The following RAPGEF4 variants were observed in gnomAD, a reference collection of about 807,000 sequenced individuals.
RAPGEF4 encodes the protein Rap guanine nucleotide exchange factor 4.
A neutral mutation model predicts 147.9 loss-of-function variants in RAPGEF4; 66 were observed. That is an observed-to-expected ratio of 0.45 (90% CI 0.37 to 0.55). RAPGEF4 has a LOEUF of 0.55. Among genes scored for constraint, RAPGEF4 ranks in the 20% least tolerant of loss-of-function variants. The pLI is 0.00. For missense variants in RAPGEF4, 1,071 were observed against 1,257.3 expected, an observed-to-expected ratio of 0.85 and a Z score of 2.24; for synonymous variants, 419 against 442.7, an observed-to-expected ratio of 0.95 and a Z score of 0.67.
chr2:172,771,178 C>T (rs1237220214), intron 1 of RAPGEF4, among the ~76,000 whole-genome samples: 1 of 151,810 alleles, frequency 6.6e-6, no homozygotes, highest in Non-Finnish European at 1.5e-5. Context: ...GCTGGGAAGT[C>T]CAAGCTCAAG....
intron 1 of RAPGEF4, among the ~76,000 whole-genome samples, chr2:172,768,568 G>A (rs541851711): frequency 5.9e-5 from 9 of 151,928 alleles, no homozygotes; most frequent in African/African-American, 1.9e-4. Flanking sequence ...ACTTCCTGGC[G>A]TGAGTACTCA....
chr2:172,891,968 C>T (rs1432639058), intron 4 of RAPGEF4, among the ~76,000 whole-genome samples: 2 of 152,204 alleles, frequency 1.3e-5, no homozygotes, highest in African/African-American at 4.8e-5. Flanking sequence ...GCAAGTCCCC[C>T]TCCTTTTCTC....
intron 1 of RAPGEF4, among the ~76,000 whole-genome samples, chr2:172,782,158 A>G (rs901469276): frequency 2.0e-5 from 3 of 152,232 alleles, no homozygotes; most frequent in Non-Finnish European, 4.4e-5. Flanking sequence ...TCATAAACTC[A>G]TCATTAACTC....
intron 10 of RAPGEF4, among the ~76,000 whole-genome samples, chr2:172,982,243 A>G (rs1575437282): frequency 6.6e-6 from 1 of 152,234 alleles, no homozygotes; most frequent in East Asian, 1.9e-4. Flanking sequence ...TCAGTAGCTC[A>G]TCAAGGGTTT....
chr2:173,048,773 G>A, intron 30 of RAPGEF4, 119 bp downstream of exon 30: 1 of 1,509,854 alleles, frequency 6.6e-7, no homozygotes, highest in Non-Finnish European at 8.8e-7. Context: ...AGACACTTTG[G>A]ACCATGAATT....
At position 172,869,497 on chromosome 2, in the gene RAPGEF4, T is replaced by C. The variant is rs1694986907; in HGVS notation, c.445-48305T>C. 4.6e-5 allele frequency among the ~76,000 whole-genome samples: 7 copies of C among 152,200 alleles called. No homozygotes were observed. In the South Asian group the frequency reaches 1.4e-3, roughly 31 times the overall value. On this transcript the variant is annotated intron_variant, in intron 4 of 30. Transcript: ENST00000397081. ...TGGAGTTAATGGTAAATTTTGTGTC[T>C]TGAGAACTATAGATGGAAAATTGTT... is the stretch of plus-strand genomic sequence containing the variant.
rs1435154035 is a variant in RAPGEF4 at position 172,810,104 on chromosome 2, C to G, written c.298-4175C>G. Among the ~76,000 whole-genome samples, 3 of 152,190 alleles carry G rather than the reference C, an allele frequency of 2.0e-5. No individual in the cohort carries two copies. In the East Asian group the frequency reaches 5.8e-4, roughly 29 times the overall value. On this transcript the variant is annotated intron_variant, in intron 3 of 30. Transcript: ENST00000397081. Reference sequence around the variant, plus strand: ...CCAACTGAACCTTGGCTAAGAGGTACTTATACTTACTAGGACAATCTAAGA... The same window carrying G: ...CCAACTGAACCTTGGCTAAGAGGTAGTTATACTTACTAGGACAATCTAAGA...
intron 16 of RAPGEF4, among the ~76,000 whole-genome samples, chr2:172,998,242 C>T (rs1365142077): frequency 6.6e-6 from 1 of 152,134 alleles, no homozygotes; most frequent in Non-Finnish European, 1.5e-5. Flanking sequence ...CTGAAGGAGG[C>T]TGGTAACCAG....
At chr2:172,844,763 G>A (rs547922977) in intron 4 of RAPGEF4, among the ~76,000 whole-genome samples, 3 of 152,124 alleles carry the variant, frequency 2.0e-5, no homozygotes, top group African/African-American at 7.2e-5. Context: ...CCTAAGGCCT[G>A]TGTTTTTGTT....
chr2:172,818,837 T>G lies in RAPGEF4; in HGVS notation c.444+4412T>G, dbSNP rs540358682. 2.0e-5 allele frequency among the ~76,000 whole-genome samples: 3 copies of G among 152,238 alleles called. No individual in the cohort carries two copies. In the South Asian group the frequency reaches 6.2e-4, roughly 32 times the overall value. On this transcript the variant is annotated intron_variant, in intron 4 of 30. Transcript: ENST00000397081. ...TCTTTTCCAGGTCAACAGCAAGTTT[T>G]CTAGGCTTCCTCAGGTATGCCCTCA...
intron 3 of RAPGEF4, among the ~76,000 whole-genome samples, chr2:172,807,077 C>T (rs544745528): frequency 2.0e-5 from 3 of 152,300 alleles, no homozygotes; most frequent in African/African-American, 4.8e-5. Context: ...GCCCATAAAA[C>T]GTGAAAGGTG....
At chr2:172,780,940 A>G (rs1456560532) in intron 1 of RAPGEF4, among the ~76,000 whole-genome samples, 1 of 152,138 alleles carries the variant, frequency 6.6e-6, no homozygotes, top group Non-Finnish European at 1.5e-5. Flanking sequence ...TACACATTAA[A>G]AACATTTCAC....
intron 16 of RAPGEF4, among the ~76,000 whole-genome samples, chr2:173,000,911 C>T (rs149933075): frequency 0.022 from 3,418 of 152,002 alleles, 103 homozygotes; most frequent in Admixed American, 0.097. Context: ...AAAACAAATA[C>T]GGTATAGACA....
At chr2:172,918,173 G>T in intron 5 of RAPGEF4, 1 of 502,104 alleles carries the variant, frequency 2.0e-6, no homozygotes. Flanking sequence ...TTCTTTCTGT[G>T]CCCTTTTAAA....
chr2:173,051,084 T>C (rs1686175004), intron 30 of RAPGEF4, among the ~76,000 whole-genome samples: 1 of 152,202 alleles, frequency 6.6e-6, no homozygotes, highest in Non-Finnish European at 1.5e-5. Context: ...GCCTGTGAGT[T>C]GGGTTTTTTC....
At chr2:172,968,775 A>G (rs2105521199) in intron 10 of RAPGEF4, among the ~76,000 whole-genome samples, 1 of 152,296 alleles carries the variant, frequency 6.6e-6, no homozygotes. Flanking sequence ...CTCTGCCCTG[A>G]AGGATCATAG....
At chr2:172,999,092 A>G (rs1693652625) in intron 16 of RAPGEF4, among the ~76,000 whole-genome samples, 1 of 152,134 alleles carries the variant, frequency 6.6e-6, no homozygotes, top group African/African-American at 2.4e-5. Context: ...TAGCCTGATT[A>G]TTTCTTCTTC....
intron 4 of RAPGEF4, among the ~76,000 whole-genome samples, chr2:172,886,248 T>C (rs540812744): frequency 6.6e-6 from 1 of 152,362 alleles, no homozygotes; most frequent in South Asian, 2.1e-4. Context: ...AACTACAGTT[T>C]TATTAGAACA....
At chr2:172,973,692 T>C (rs1690760808) in intron 10 of RAPGEF4, among the ~76,000 whole-genome samples, 1 of 152,156 alleles carries the variant, frequency 6.6e-6, no homozygotes, top group African/African-American at 2.4e-5. Context: ...TGAAGAGTTT[T>C]AGAGAGAGGT....
Sources: allele counts gnomAD v4.1 joint callset (sites outside exome capture counted in the v4.1 genomes callset), GRCh38; gene constraint gnomAD v4.1.1; transcripts MANE v1.5; gene names NCBI Gene and HGNC (gene_info 2026-07-23, HGNC 2026-07-21).